TMEM116: variants seen among roughly 807,000 people sequenced by gnomAD.
The protein encoded by TMEM116 is transmembrane protein 116.
TMEM116 carries 38 observed loss-of-function variants against 44.3 expected under a neutral mutation model. The observed-to-expected ratio is 0.86, with a 90% CI of 0.66 to 1.12. TMEM116 has a LOEUF of 1.12. TMEM116 is among the 50% of genes most tolerant of loss of function. The pLI is 0.00. For synonymous variants in TMEM116, 132 were observed against 144.8 expected, an observed-to-expected ratio of 0.91 and a Z score of 0.64; for missense variants, 354 against 401.7, an observed-to-expected ratio of 0.88 and a Z score of 1.01.
In TMEM116 at chr12:111,974,757, G is replaced by T. The variant is rs547875696; in HGVS notation, c.210+17001C>A. Reference sequence around the variant, plus strand: ...ACAACATGATCATCCATGTAGAAAAGCCAATGATGTCTACAAAAGAGCTAT... The same window carrying T: ...ACAACATGATCATCCATGTAGAAAATCCAATGATGTCTACAAAAGAGCTAT... On this transcript the variant is annotated intron_variant, in intron 4 of 10. Transcript: ENST00000552374. Among the ~76,000 whole-genome samples, 4 of 151,756 alleles carry T rather than the reference G, an allele frequency of 2.6e-5. No individual in the cohort carries two copies. In the South Asian group the frequency reaches 8.3e-4, roughly 31 times the overall value.
chr12:111,998,375 G>C (rs1343718467), intron 3 of TMEM116, among the ~76,000 whole-genome samples: 1 of 152,222 alleles, frequency 6.6e-6, no homozygotes, highest in South Asian at 2.1e-4. Flanking sequence ...CTGAGAGCTT[G>C]TTCCCCTTGG....
chr12:111,990,292 C>T (rs2076484534), intron 4 of TMEM116, among the ~76,000 whole-genome samples: 1 of 151,062 alleles, frequency 6.6e-6, no homozygotes, highest in Admixed American at 6.6e-5. Flanking sequence ...CACATCTGTA[C>T]CAAGCACAAA....
At chr12:111,991,618 G>A in intron 4 of TMEM116, 140 bp downstream of exon 4, 1 of 794,162 alleles carries the variant, frequency 1.3e-6, no homozygotes, top group Non-Finnish European at 1.8e-6. Context: ...TTTTTAATAT[G>A]AAAAAAGATA....
intron 4 of TMEM116, among the ~76,000 whole-genome samples, chr12:111,991,215 C>A (rs2076551217): frequency 1.2e-5 from 1 of 86,462 alleles, no homozygotes; most frequent in Non-Finnish European, 2.0e-5. Context: ...GAGACTCTGT[C>A]TCAAAAAAAA....
chr12:111,951,407 G>A (rs1260882578), intron 4 of TMEM116, among the ~76,000 whole-genome samples: 1 of 152,172 alleles, frequency 6.6e-6, no homozygotes, highest in Admixed American at 6.5e-5. Context: ...CAAAGACATA[G>A]AATCAACCTA....
chr12:112,011,481 A>C (rs1213404021), intron 1 of TMEM116: 2 of 152,224 alleles, frequency 1.3e-5, no homozygotes, highest in Non-Finnish European at 2.9e-5. Flanking sequence ...TATAGCAGTA[A>C]GTCCCTTACA....
intron 8 of TMEM116, chr12:111,935,119 G>A (rs907001178): frequency 5.3e-5 from 8 of 152,124 alleles, no homozygotes; most frequent in Admixed American, 2.0e-4. Flanking sequence ...TTTAGAGATG[G>A]AGTCTTGCTC....
chr12:111,988,999 A>G (rs1158622740), intron 4 of TMEM116, among the ~76,000 whole-genome samples: 1 of 149,134 alleles, frequency 6.7e-6, no homozygotes, highest in Non-Finnish European at 1.5e-5. Flanking sequence ...CTCAAAAACA[A>G]AAACAAAACA....
At chr12:111,989,842 G>C (rs1327404303) in intron 4 of TMEM116, among the ~76,000 whole-genome samples, 1 of 152,160 alleles carries the variant, frequency 6.6e-6, no homozygotes, top group Non-Finnish European at 1.5e-5. Context: ...AAACAGGAAT[G>C]CTTGTTATCT....
intron 3 of TMEM116, among the ~76,000 whole-genome samples, chr12:112,002,466 G>A (rs1223594272): frequency 6.6e-6 from 1 of 150,392 alleles, no homozygotes; most frequent in Non-Finnish European, 1.5e-5. Context: ...TTGGGAGGCT[G>A]AGGCAGGAGA....
In TMEM116 at chr12:112,003,800, C is replaced by T. The variant is rs922563582; in HGVS notation, c.78G>A (p.Glu26=). Residue 26 remains glutamate (E), a splice_region_variant and synonymous_variant, in exon 3 of 11, where the codon GAG becomes GAA. Transcript: ENST00000552374. ...AVFHNIQKSP[E]IRPLFYLSFC... ...TCCAACACAAAGAGAAATCACTCAC[C>T]TCTGGAGATTTCTGTATATTATGGA... The T allele has an allele frequency of 1.3e-6, 2 of 1,511,704 alleles. No individual in the cohort carries two copies. The highest frequency in any genetic ancestry group is 2.8e-5 in the African/African-American group (2 of 71,252). 93.6% of individuals were successfully genotyped at this position (1,511,704 alleles called of 1,614,324 possible). A position where few individuals can be genotyped will look rare whatever the true frequency, so the allele number is the denominator to read the frequency against.
intron 7 of TMEM116, 92 bp from the exon 8 acceptor site, chr12:111,936,922 A>G (rs1295807303): frequency 1.4e-6 from 2 of 1,406,066 alleles, no homozygotes; most frequent in Non-Finnish European, 1.9e-6. Context: ...TTTACTTATC[A>G]TTTTGCTAAC....
intron 1 of TMEM116, chr12:112,006,070 AG>A: frequency 1.3e-6 from 1 of 750,094 alleles, no homozygotes; most frequent in Non-Finnish European, 1.6e-6. Flanking sequence ...AGCAGTGAAC[AG>A]GTGGCTCCAC....
chr12:111,995,028 C>T (rs1379513223), intron 3 of TMEM116, among the ~76,000 whole-genome samples: 1 of 152,094 alleles, frequency 6.6e-6, no homozygotes, highest in Non-Finnish European at 1.5e-5. Flanking sequence ...ACTGCACGTC[C>T]GTTTATAGGC....
intron 4 of TMEM116, among the ~76,000 whole-genome samples, chr12:111,975,399 T>C (rs2136486716): frequency 6.6e-6 from 1 of 152,238 alleles, no homozygotes; most frequent in Non-Finnish European, 1.5e-5. Flanking sequence ...CAAGCAGTCC[T>C]CCTGCCTCAG....
chr12:111,968,849 C>T (rs561892503), intron 4 of TMEM116, among the ~76,000 whole-genome samples: 64 of 151,288 alleles, frequency 4.2e-4, no homozygotes, highest in African/African-American at 1.5e-3. Flanking sequence ...AAAAATTAGC[C>T]GGGGGTGGTG....
chr12:111,955,564 T>C (rs1565895309), intron 4 of TMEM116, among the ~76,000 whole-genome samples: 1 of 152,242 alleles, frequency 6.6e-6, no homozygotes, highest in Non-Finnish European at 1.5e-5. Context: ...CAAAGCCTTC[T>C]GATCCAAATG....
At chr12:111,965,072 T>C (rs1366869284) in intron 4 of TMEM116, among the ~76,000 whole-genome samples, 1 of 152,190 alleles carries the variant, frequency 6.6e-6, no homozygotes, top group Non-Finnish European at 1.5e-5. Context: ...AACCTGAATA[T>C]ATTGTTTGTT....
chr12:111,987,693 G>T (rs2076305741), intron 4 of TMEM116, among the ~76,000 whole-genome samples: 2 of 152,160 alleles, frequency 1.3e-5, no homozygotes, highest in South Asian at 2.1e-4. Context: ...CAAAAAAACA[G>T]CAACAAATGT....
Sources: allele counts gnomAD v4.1 joint callset (sites outside exome capture counted in the v4.1 genomes callset), GRCh38; gene constraint gnomAD v4.1.1; transcripts MANE v1.5; gene names NCBI Gene and HGNC (gene_info 2026-07-23, HGNC 2026-07-21).